C12orf42: variants seen among roughly 807,000 people sequenced by gnomAD.
C12orf42 encodes uncharacterized protein C12orf42.
A neutral mutation model predicts 21.6 loss-of-function variants in C12orf42; 25 were observed. The observed-to-expected ratio is 1.16, with a 90% CI of 0.84 to 1.62. The LOEUF (loss-of-function observed/expected upper bound fraction) is 1.62, where lower values mean the gene tolerates loss of function less well. Among genes scored for constraint, C12orf42 ranks in the 40% most tolerant of loss-of-function variants. The pLI, the probability that C12orf42 is intolerant of heterozygous loss-of-function variation, is 0.00. For missense variants in C12orf42, 483 were observed against 459.3 expected, an observed-to-expected ratio of 1.05 and a Z score of -0.47; for synonymous variants, 174 against 175.0, an observed-to-expected ratio of 0.99 and a Z score of 0.05.
At chr12:103,553,544 A>AT in the C12orf42 span, among the ~76,000 whole-genome samples, 2 of 152,208 alleles carry the variant, frequency 1.3e-5, no homozygotes, top group African/African-American at 4.8e-5. Flanking sequence ...GCAACATTGT[A>AT]TATCAACAGG....
At chr12:103,190,983 G>A in the C12orf42 span, among the ~76,000 whole-genome samples, 1 of 152,034 alleles carries the variant, frequency 6.6e-6, no homozygotes, top group Non-Finnish European at 1.5e-5. Context: ...AAATGTCAAA[G>A]ACAAAGGTAA....
the C12orf42 span, among the ~76,000 whole-genome samples, chr12:103,209,211 A>G: frequency 6.6e-6 from 1 of 152,226 alleles, no homozygotes; most frequent in Non-Finnish European, 1.5e-5. Context: ...TATTTATATA[A>G]TGATGTAACT....
At chr12:103,116,915 A>G in the C12orf42 span, among the ~76,000 whole-genome samples, 6 of 152,204 alleles carry the variant, frequency 3.9e-5, no homozygotes, top group Non-Finnish European at 8.8e-5. Flanking sequence ...CTTTTAATTG[A>G]CATATGATAA....
At chr12:103,207,836 G>GA in the C12orf42 span, among the ~76,000 whole-genome samples, 1 of 152,160 alleles carries the variant, frequency 6.6e-6, no homozygotes, top group Admixed American at 6.5e-5. Context: ...AAAAGGCTAA[G>GA]AAAAGAGAAA....
chr12:103,262,918 G>T (rs955017347), intron 10 of C12orf42, among the ~76,000 whole-genome samples: 1 of 152,176 alleles, frequency 6.6e-6, no homozygotes, highest in African/African-American at 2.4e-5. Context: ...GTCCATCAAT[G>T]ATAGACTGGA....
the C12orf42 span, among the ~76,000 whole-genome samples, chr12:103,194,885 T>G: frequency 2.6e-5 from 4 of 152,198 alleles, no homozygotes; most frequent in African/African-American, 2.4e-5. Context: ...GTTCAGATTA[T>G]TTCATCACCC....
chr12:103,538,737 C>T, the C12orf42 span, among the ~76,000 whole-genome samples: 1 of 152,224 alleles, frequency 6.6e-6, no homozygotes, highest in South Asian at 2.1e-4. Context: ...CCCCCTCCCA[C>T]ACCCAACCCT....
Position 103,491,761 on chromosome 12 carries a change from C to A in C12orf42, c.-22+4141G>T, listed in dbSNP as rs145280186. Among the ~76,000 whole-genome samples the A allele has an allele frequency of 4.4e-3, 671 of 152,320 alleles. 5 individuals are homozygous for A. The highest frequency in any genetic ancestry group is 0.041 in the Middle Eastern group (12 of 294). ...AACTCACCCTGGCTTAAAACTCAAG[C>A]CTCATTTCTCACTTTAATCTTTATC... On this transcript the variant is annotated intron_variant, in intron 1 of 5. Coordinates refer to ENST00000548883, the MANE Select transcript of C12orf42 (RefSeq NM_198521.5).
intron 1 of C12orf42, 120 bp from the exon 2 acceptor site, chr12:103,478,567 C>T (rs1954239872): frequency 4.4e-6 from 2 of 454,888 alleles, no homozygotes; most frequent in Non-Finnish European, 7.5e-6. Context: ...GTATTTCTTG[C>T]CAGTGACTTT....
chr12:103,120,123 G>A, the C12orf42 span, among the ~76,000 whole-genome samples: 1 of 152,178 alleles, frequency 6.6e-6, no homozygotes, highest in African/African-American at 2.4e-5. Flanking sequence ...CCTGCTATGT[G>A]GTGAGCACTG....
intron 2 of C12orf42, among the ~76,000 whole-genome samples, chr12:103,404,847 T>C (rs2048305309): frequency 6.6e-6 from 1 of 152,106 alleles, no homozygotes; most frequent in East Asian, 1.9e-4. Flanking sequence ...TGAAAACAGG[T>C]GGTATGTGCT....
chr12:103,450,226 GT>G (rs1232772562), intron 2 of C12orf42, among the ~76,000 whole-genome samples: 2 of 151,930 alleles, frequency 1.3e-5, no homozygotes, highest in Non-Finnish European at 2.9e-5. Context: ...GATAGATTTG[GT>G]TTACTAGATT....
the C12orf42 span, among the ~76,000 whole-genome samples, chr12:103,190,920 T>C: frequency 1.4e-5 from 2 of 141,912 alleles, no homozygotes; most frequent in African/African-American, 5.3e-5. Flanking sequence ...ACAAAGGACC[T>C]TGAATAGATT....
chr12:103,409,200 C>T (rs551256721), intron 2 of C12orf42, among the ~76,000 whole-genome samples: 24 of 152,258 alleles, frequency 1.6e-4, no homozygotes, highest in Admixed American at 6.5e-5. Context: ...AACACTGAGC[C>T]ATCTAAAAGG....
chr12:103,124,922 T>C, the C12orf42 span, among the ~76,000 whole-genome samples: 1 of 152,182 alleles, frequency 6.6e-6, no homozygotes, highest in East Asian at 1.9e-4. Flanking sequence ...GTTGATCCTT[T>C]ATTGACCTTT....
At chr12:103,323,558 G>A (rs552115102) in intron 4 of C12orf42, among the ~76,000 whole-genome samples, 1 of 152,314 alleles carries the variant, frequency 6.6e-6, no homozygotes, top group South Asian at 2.1e-4. Context: ...AAATGAAGAA[G>A]TGAATGTCAA....
the C12orf42 span, among the ~76,000 whole-genome samples, chr12:103,230,389 G>C: frequency 2.0e-5 from 3 of 152,128 alleles, no homozygotes; most frequent in African/African-American, 7.2e-5. Context: ...AGAGCAAGCT[G>C]GCTTGGTACC....
At chr12:103,064,895 C>T in the C12orf42 span, among the ~76,000 whole-genome samples, 1 of 152,164 alleles carries the variant, frequency 6.6e-6, no homozygotes, top group Non-Finnish European at 1.5e-5. Flanking sequence ...AGCTCAGGTC[C>T]AACTTACAGT....
At chr12:103,049,407 A>G in the C12orf42 span, among the ~76,000 whole-genome samples, 4 of 152,186 alleles carry the variant, frequency 2.6e-5, no homozygotes, top group Non-Finnish European at 4.4e-5. Context: ...GTACATTCAC[A>G]TCTCCAACAC....
Sources: gnomAD v4.1 joint callset for allele counts (sites outside exome capture counted in the v4.1 genomes callset) on GRCh38, gnomAD v4.1.1 for gene constraint, MANE v1.5 for transcripts, NCBI Gene and HGNC (gene_info 2026-07-23, HGNC 2026-07-21) for gene names.